Variants in PLA2G2C observed in about 807,000 individuals in gnomAD.
The protein encoded by PLA2G2C is putative inactive group IIC secretory phospholipase A2.
A neutral mutation model predicts 14.3 loss-of-function variants in PLA2G2C; 15 were observed. The observed-to-expected ratio is 1.05, with a 90% CI of 0.70 to 1.62. PLA2G2C has a LOEUF of 1.62. Ranked by LOEUF, PLA2G2C falls within the 40% of genes most tolerant of loss-of-function variation. The pLI, the probability that PLA2G2C is intolerant of heterozygous loss-of-function variation, is 0.00. For synonymous variants in PLA2G2C, 79 were observed against 67.7 expected (o/e 1.17, Z -0.82); for missense variants, 162 against 173.2 (o/e 0.94, Z 0.36).
chr1:20,177,211 T>C (rs2018201415), intron 2 of PLA2G2C, 113 bp downstream of exon 2: 1 of 694,912 alleles, frequency 1.4e-6, no homozygotes, highest in Non-Finnish European at 2.6e-6. Context: ...CCTGATTCTT[T>C]TCTGCGGGAC....
At chr1:20,181,312 G>A (rs548121284) in intron 1 of PLA2G2C, among the ~76,000 whole-genome samples, 3 of 152,204 alleles carry the variant, frequency 2.0e-5, no homozygotes, top group South Asian at 2.1e-4. Flanking sequence ...GCAACCCCTT[G>A]AGTACCAACA....
chr1:20,183,185 C>T (rs935163365), intron 1 of PLA2G2C, among the ~76,000 whole-genome samples: 3 of 152,194 alleles, frequency 2.0e-5, no homozygotes, highest in African/African-American at 4.8e-5. Flanking sequence ...TCATTTCAGC[C>T]GCACAACAAT....
chr1:20,179,146 C>T (rs1364526368), intron 1 of PLA2G2C, among the ~76,000 whole-genome samples: 1 of 152,220 alleles, frequency 6.6e-6, no homozygotes, highest in African/African-American at 2.4e-5. Flanking sequence ...GCGGTCCCAG[C>T]CCCAGAGCTC....
At chr1:20,176,412 T>C (rs938433011) in intron 2 of PLA2G2C, among the ~76,000 whole-genome samples, 2 of 152,204 alleles carry the variant, frequency 1.3e-5, no homozygotes, top group Non-Finnish European at 2.9e-5. Context: ...AAGCATGTAG[T>C]AAATTTGCAA....
intron 4 of PLA2G2C, among the ~76,000 whole-genome samples, chr1:20,170,105 T>G (rs1021705711): frequency 1.3e-5 from 2 of 152,354 alleles, no homozygotes; most frequent in African/African-American, 4.8e-5. Context: ...TCCTCCTTGA[T>G]AATGGGAGAT....
At position 20,172,824 on chromosome 1, in the gene PLA2G2C, G is replaced by T. The variant is rs768928368; in HGVS notation, c.253C>A (p.Gln85Lys). ...FSCQPVLNSY[Q>K]FHIVNGAVVC... ...ACTGCGCCATTGACGATGTGGAACTGGTAGCTGTTCAACACAGGCTGGCAG... is the reference window on the plus strand; with the variant it reads ...ACTGCGCCATTGACGATGTGGAACTTGTAGCTGTTCAACACAGGCTGGCAG... Residue 85 changes from glutamine to lysine, a missense_variant, in exon 4 of 5, where the codon CAG (glutamine) becomes AAG (lysine). Transcript: ENST00000679259. 84 of 1,613,846 alleles carry T rather than the reference G, an allele frequency of 5.2e-5. No individual in the cohort carries two copies. Among genetic ancestry groups the T allele is most frequent in the Middle Eastern group, 1.6e-4 (1 of 6,062 alleles).
At chr1:20,169,543 G>A (rs75339882) in intron 4 of PLA2G2C, among the ~76,000 whole-genome samples, 5,649 of 152,200 alleles carry the variant, frequency 0.037, 145 homozygotes, top group South Asian at 0.062. Flanking sequence ...AGTACAGAGC[G>A]GACTCTTCAA....
intron 4 of PLA2G2C, among the ~76,000 whole-genome samples, chr1:20,167,855 G>A (rs1019094098): frequency 2.0e-5 from 3 of 152,168 alleles, no homozygotes; most frequent in Non-Finnish European, 2.9e-5. Context: ...ACCTAAAGCA[G>A]GCACCCTTCT....
chr1:20,169,808 T>C (rs1254348422), intron 4 of PLA2G2C, among the ~76,000 whole-genome samples: 1 of 152,202 alleles, frequency 6.6e-6, no homozygotes. Context: ...AGACCCAGTG[T>C]TGCCCGACTC....
chr1:20,172,101 A>G (rs2018090065), intron 4 of PLA2G2C, among the ~76,000 whole-genome samples: 1 of 152,088 alleles, frequency 6.6e-6, no homozygotes, highest in Non-Finnish European at 1.5e-5. Context: ...TCACCCTCCC[A>G]GCCCAGGACC....
intron 4 of PLA2G2C, among the ~76,000 whole-genome samples, chr1:20,167,264 A>G (rs2017995045): frequency 6.6e-6 from 1 of 152,142 alleles, no homozygotes; most frequent in African/African-American, 2.4e-5. Context: ...CCAGACTTCA[A>G]TAAGCACGTG....
chr1:20,165,770 A>T (rs554676292), intron 4 of PLA2G2C, among the ~76,000 whole-genome samples: 5 of 151,632 alleles, frequency 3.3e-5, no homozygotes, highest in Admixed American at 6.6e-5. Flanking sequence ...ATGTGTGTGT[A>T]TGTGCGTGCG....
At chr1:20,184,000 G>A (rs1255657318) in intron 1 of PLA2G2C, among the ~76,000 whole-genome samples, 3 of 152,146 alleles carry the variant, frequency 2.0e-5, no homozygotes, top group Non-Finnish European at 4.4e-5. Context: ...ATAGAAGGTC[G>A]GGCACAAAGG....
At chr1:20,178,944 C>T (rs1160400278) in intron 1 of PLA2G2C, among the ~76,000 whole-genome samples, 1 of 152,252 alleles carries the variant, frequency 6.6e-6, no homozygotes, top group East Asian at 1.9e-4. Flanking sequence ...GGCAGGCCCC[C>T]TCTTCAGGGC....
intron 1 of PLA2G2C, chr1:20,186,074 CG>C (rs1010930789): frequency 2.6e-4 from 40 of 152,090 alleles, no homozygotes; most frequent in African/African-American, 9.2e-4. Context: ...CCCCACCCTG[CG>C]GCGTTGCCCG....
At chr1:20,175,441 C>T (rs1040515017) in intron 2 of PLA2G2C, among the ~76,000 whole-genome samples, 3 of 152,134 alleles carry the variant, frequency 2.0e-5, no homozygotes, top group Non-Finnish European at 4.4e-5. Flanking sequence ...AGCAAGAAAC[C>T]ACAGTTCTAG....
intron 4 of PLA2G2C, among the ~76,000 whole-genome samples, chr1:20,171,530 G>A (rs187878800): frequency 7.8e-4 from 119 of 152,230 alleles, no homozygotes; most frequent in African/African-American, 2.7e-3. Flanking sequence ...GGGGAGCTCA[G>A]GAGACCAGGG....
At chr1:20,171,758 C>CTTTTTT (rs10710359) in intron 4 of PLA2G2C, among the ~76,000 whole-genome samples, 1 of 121,520 alleles carries the variant, frequency 8.2e-6, no homozygotes, top group African/African-American at 2.9e-5. Flanking sequence ...GCCACTTCTT[C>CTTTTTT]TTTTTTTTTT....
intron 2 of PLA2G2C, 84 bp from the exon 3 acceptor site, chr1:20,175,229 T>C: frequency 6.3e-7 from 1 of 1,591,374 alleles, no homozygotes; most frequent in African/African-American, 1.4e-5. Flanking sequence ...CTTACTAGAG[T>C]GCTGAGCATT....
Sources: gnomAD v4.1 joint callset for allele counts (sites outside exome capture counted in the v4.1 genomes callset) on GRCh38, gnomAD v4.1.1 for gene constraint, MANE v1.5 for transcripts, NCBI Gene and HGNC (gene_info 2026-07-23, HGNC 2026-07-21) for gene names.